RILP: variants seen among roughly 807,000 people sequenced by gnomAD.
RILP encodes Rab interacting lysosomal protein, also known as rab-interacting lysosomal protein.
In RILP, 53 loss-of-function variants were observed where a neutral mutation model predicts 40.0. The ratio of observed to expected loss-of-function variants is 1.32; its 90% CI spans 1.06 to 1.66. The LOEUF is 1.66. Ranked by LOEUF, RILP falls within the 40% of genes most tolerant of loss-of-function variation. The pLI is 0.00. For synonymous variants in RILP, 272 were observed against 250.6 expected (o/e 1.09, Z -0.80); for missense variants, 626 against 551.7 (o/e 1.13, Z -1.35).
In RILP at chr17:1,647,886, C is replaced by A. The variant is rs202214709; in HGVS notation, c.893G>T (p.Arg298Leu). The A allele has an allele frequency of 6.2e-7, 1 of 1,614,054 alleles. No individual in the cohort carries two copies. The highest frequency in any genetic ancestry group is 8.5e-7 in the Non-Finnish European group (1 of 1,180,030). Residue 298 changes from arginine (R) to leucine (L), a missense_variant, in exon 6 of 8, where the codon CGG becomes CTG. Coordinates refer to ENST00000301336, the MANE Select transcript of RILP (RefSeq NM_031430.3). ...EAMKVAVRKQ[R>L]KKIKAKMLGT... ...TAACATCTTGGCCTTGATCTTCTTC[C>A]GCTGCTTCCGGACAGCCACCTTCAT...
At chr17:1,647,062 G>A (rs1195383855) in intron 6 of RILP, 73 bp from the exon 7 acceptor site, 3 of 1,010,566 alleles carry the variant, frequency 3.0e-6, no homozygotes, top group Non-Finnish European at 4.3e-6. Context: ...TCCAGCAGGG[G>A]GGATGGAGGG....
At chr17:1,647,060 G>C (rs575589655) in intron 6 of RILP, 71 bp from the exon 7 acceptor site, 11 of 1,019,774 alleles carry the variant, frequency 1.1e-5, no homozygotes, top group Admixed American at 5.4e-5. Flanking sequence ...AATCCAGCAG[G>C]GGGGATGGAG....
In RILP at chr17:1,646,997, A is replaced by G; in HGVS notation, c.945-8T>C. 1 of 1,573,234 alleles carries G rather than the reference A, an allele frequency of 6.4e-7. No homozygotes were observed. The highest frequency in any genetic ancestry group is 8.7e-7 in the Non-Finnish European group (1 of 1,155,194). On this transcript the variant is annotated splice_polypyrimidine_tract_variant and splice_region_variant and intron_variant, in intron 6 of 7. Coordinates refer to ENST00000301336, the MANE Select transcript of RILP (RefSeq NM_031430.3). This position sits in a 1 kb window ranked among gnomAD's most constrained non-coding sequence, Gnocchi z 4.3. The stretch of plus-strand genomic sequence containing the variant: ...GGGCCAGCCTCATCCTCACTGAGAC[A>G]GAGGAGAGAGGAGAAGTGAGGGCCA...
Position 1,648,810 on chromosome 17 carries a change from G to A in RILP, c.664C>T (p.Pro222Ser). ...CATACGGCACTCACCGGGTCCTCAG[G>A]GTTCCCTGGGGCGCCTGCGCCGGCG... The part of the protein sequence containing the change: ...ATAGAGAPGN[P>S]EDPAEAAQQL... Residue 222 changes from proline (P) to serine (S), a missense_variant, in exon 4 of 8, where the codon CCT (proline) becomes TCT (serine). Coordinates refer to ENST00000301336, the MANE Select transcript of RILP (RefSeq NM_031430.3). This position sits in a 1 kb window ranked among gnomAD's most constrained non-coding sequence, Gnocchi z 4.9. The A allele has an allele frequency of 2.0e-6, 3 of 1,523,732 alleles. No individual in the cohort carries two copies. The highest frequency in any genetic ancestry group is 2.6e-6 in the Non-Finnish European group (3 of 1,147,420). 94.4% of individuals were successfully genotyped at this position (1,523,732 alleles called of 1,614,324 possible).
chr17:1,649,382 C>T lies in RILP; in HGVS notation c.322+30G>A, dbSNP rs62088050. On this transcript the variant is annotated intron_variant, in intron 2 of 7. Coordinates refer to ENST00000301336, the MANE Select transcript of RILP (RefSeq NM_031430.3). The surrounding 1 kb of genome is among the most constrained non-coding windows in gnomAD (Gnocchi z 4.3). ...GGGGAGGACCCGAGCAGGTCGTCACCCGCCCTGCCCTGGCCGGGGCTGCGC... is the reference window on the plus strand; with the variant it reads ...GGGGAGGACCCGAGCAGGTCGTCACTCGCCCTGCCCTGGCCGGGGCTGCGC... The T allele has an allele frequency of 0.035, 51,595 of 1,494,004 alleles. 1,000 individuals carry two copies. The highest frequency in any genetic ancestry group is 0.047 in the Middle Eastern group (204 of 4,322). 92.5% of individuals were successfully genotyped at this position (1,494,004 alleles called of 1,614,324 possible).
Position 1,646,316 on chromosome 17 carries a change from G to T in RILP, c.*126C>A. Reference sequence around the variant, plus strand: ...TCGGTACAGAGACGTAGAGAGGGAGGCGGGCTGAGACCCCGTCCTGCCCTG... The same window carrying T: ...TCGGTACAGAGACGTAGAGAGGGAGTCGGGCTGAGACCCCGTCCTGCCCTG... On this transcript the variant is annotated 3_prime_UTR_variant, in exon 8 of 8. Coordinates refer to ENST00000301336, the MANE Select transcript of RILP (RefSeq NM_031430.3). The surrounding 1 kb of genome is among the most constrained non-coding windows in gnomAD (Gnocchi z 4.3). 2.3e-6 allele frequency: 2 copies of T among 857,160 alleles called. No homozygotes were observed. The highest frequency in any genetic ancestry group is 3.5e-6 in the Non-Finnish European group (2 of 571,840). The allele number at this position is 857,160 out of a possible 1,614,324, so 53.1% of individuals were successfully genotyped here. A position where few individuals can be genotyped will look rare whatever the true frequency, so the allele number is the denominator to read the frequency against.
chr17:1,647,346 G>T (rs1910665675), intron 6 of RILP, among the ~76,000 whole-genome samples: 2 of 152,048 alleles, frequency 1.3e-5, no homozygotes, highest in South Asian at 4.1e-4. Flanking sequence ...CACCATGTTG[G>T]CCACGCTGGT....
intron 6 of RILP, among the ~76,000 whole-genome samples, chr17:1,647,457 C>T (rs955267959): frequency 6.6e-6 from 1 of 152,232 alleles, no homozygotes; most frequent in South Asian, 2.1e-4. Context: ...TATTTTATAG[C>T]TTGACACACA....
At position 1,649,403 on chromosome 17, in the gene RILP, T is replaced by C. The variant is rs1193677007; in HGVS notation, c.322+9A>G. 2 of 1,503,988 alleles carry C rather than the reference T, an allele frequency of 1.3e-6. No homozygotes were observed. The highest frequency in any genetic ancestry group is 8.8e-7 in the Non-Finnish European group (1 of 1,134,016). 93.2% of individuals were successfully genotyped at this position (1,503,988 alleles called of 1,614,324 possible). On this transcript the variant is annotated intron_variant, in intron 2 of 7. Coordinates refer to ENST00000301336, the MANE Select transcript of RILP (RefSeq NM_031430.3). The surrounding 1 kb of genome is among the most constrained non-coding windows in gnomAD (Gnocchi z 4.3). ...TCACCCGCCCTGCCCTGGCCGGGGC[T>C]GCGCTTACCCTGTGGCCCCGCGCGC...
rs752943817 is a variant in RILP, at chr17:1,648,436, C to T, written c.735G>A (p.Arg245=). The change falls in exon 5 of 8, where the codon CGG becomes CGA. Residue 245 remains arginine, a synonymous_variant. Transcript: ENST00000301336. The surrounding 1 kb of genome is among the most constrained non-coding windows in gnomAD (Gnocchi z 4.9). ...PSEAGQCRFS[R]EEFEQILQER... ...CCTGAAGGATCTGCTCAAACTCCTC[C>T]CGACTGAAGCGGCACTGCCCTGCCT... is the stretch of plus-strand genomic sequence containing the variant. 5 of 1,613,990 alleles carry T rather than the reference C, an allele frequency of 3.1e-6. No individual in the cohort carries two copies. Among genetic ancestry groups the T allele is most frequent in the Admixed American group, 1.7e-5 (1 of 59,996 alleles).
At position 1,649,149 on chromosome 17, in the gene RILP, G is replaced by T. The variant is rs1280287272; in HGVS notation, c.429+51C>A. 4 of 834,196 alleles carry T rather than the reference G, an allele frequency of 4.8e-6. No homozygotes were observed. Among genetic ancestry groups the T allele is most frequent in the East Asian group, 7.9e-5 (2 of 25,186 alleles). 51.7% of individuals were successfully genotyped at this position (834,196 alleles called of 1,614,324 possible). On this transcript the variant is annotated intron_variant, in intron 3 of 7. Coordinates refer to ENST00000301336, the MANE Select transcript of RILP (RefSeq NM_031430.3). The surrounding 1 kb of genome is among the most constrained non-coding windows in gnomAD (Gnocchi z 4.3). ...CCCCGCCCCCGGAGCCCCGCCCAGC[G>T]CCTGCCACGCTCCGCCCCCGCCCCG...
Position 1,649,139 on chromosome 17 carries a change from C to A in RILP, c.429+61G>T. 2 of 1,211,600 alleles carry A rather than the reference C, an allele frequency of 1.7e-6. No individual in the cohort carries two copies. Among genetic ancestry groups the A allele is most frequent in the Non-Finnish European group, 2.1e-6 (2 of 964,340 alleles). The allele number at this position is 1,211,600 out of a possible 1,614,324, so 75.1% of individuals were successfully genotyped here. A position where few individuals can be genotyped will look rare whatever the true frequency, so the allele number is the denominator to read the frequency against. ...CTCGCTCCGCCCCCGCCCCCGGAGC[C>A]CCGCCCAGCGCCTGCCACGCTCCGC... On this transcript the variant is annotated intron_variant, in intron 3 of 7. Coordinates refer to ENST00000301336, the MANE Select transcript of RILP (RefSeq NM_031430.3). The surrounding 1 kb of genome is among the most constrained non-coding windows in gnomAD (Gnocchi z 4.3).
intron 6 of RILP, among the ~76,000 whole-genome samples, chr17:1,647,537 A>G (rs560577877): frequency 6.6e-6 from 1 of 152,294 alleles, no homozygotes; most frequent in African/African-American, 2.4e-5. Context: ...CAAGACAGGA[A>G]CTTGAAGAAT....
Position 1,649,383 on chromosome 17 carries a change from C to A in RILP, c.322+29G>T. 7 of 1,496,310 alleles carry A rather than the reference C, an allele frequency of 4.7e-6. No individual in the cohort carries two copies. Among genetic ancestry groups the A allele is most frequent in the Non-Finnish European group, 6.2e-6 (7 of 1,129,974 alleles). The allele number at this position is 1,496,310 out of a possible 1,614,324, so 92.7% of individuals were successfully genotyped here. A position where few individuals can be genotyped will look rare whatever the true frequency, so the allele number is the denominator to read the frequency against. On this transcript the variant is annotated intron_variant, in intron 2 of 7. Coordinates refer to ENST00000301336, the MANE Select transcript of RILP (RefSeq NM_031430.3). This position sits in a 1 kb window ranked among gnomAD's most constrained non-coding sequence, Gnocchi z 4.3. ...GGGAGGACCCGAGCAGGTCGTCACC[C>A]GCCCTGCCCTGGCCGGGGCTGCGCT...
Position 1,649,201 on chromosome 17 carries a change from G to A in RILP, c.428C>T (p.Ala143Val), listed in dbSNP as rs1159150135. 3 of 678,178 alleles carry A rather than the reference G, an allele frequency of 4.4e-6. No homozygotes were observed. Among genetic ancestry groups the A allele is most frequent in the Non-Finnish European group, 6.3e-6 (3 of 476,098 alleles). The allele number at this position is 678,178 out of a possible 1,614,324, so 42.0% of individuals were successfully genotyped here. A position where few individuals can be genotyped will look rare whatever the true frequency, so the allele number is the denominator to read the frequency against. ...DLRQRGQETE[A>V]LQEQLQRLLL... ...CCCAGAGCCCCGCCCCGCCCTCACC[G>A]CCTCGGTCTCCTGGCCGCGCTGCCG... The change falls in exon 3 of 8, where the codon GCG becomes GTG. Residue 143 changes from alanine (A) to valine (V), a missense_variant and splice_region_variant. By Grantham distance (64) the Ala-to-Val change is moderately conservative. Transcript: ENST00000301336. The surrounding 1 kb of genome is among the most constrained non-coding windows in gnomAD (Gnocchi z 4.3).
chr17:1,646,327 C>T lies in RILP; in HGVS notation c.*115G>A. Reference sequence around the variant, plus strand: ...ACGTAGAGAGGGAGGCGGGCTGAGACCCCGTCCTGCCCTGATGCAGGCCAG... The same window carrying T: ...ACGTAGAGAGGGAGGCGGGCTGAGATCCCGTCCTGCCCTGATGCAGGCCAG... On this transcript the variant is annotated 3_prime_UTR_variant, in exon 8 of 8. Coordinates refer to ENST00000301336, the MANE Select transcript of RILP (RefSeq NM_031430.3). The surrounding 1 kb of genome is among the most constrained non-coding windows in gnomAD (Gnocchi z 4.3). The T allele has an allele frequency of 1.9e-6, 2 of 1,028,648 alleles. No individual in the cohort carries two copies. Among genetic ancestry groups the T allele is most frequent in the South Asian group, 1.8e-5 (1 of 57,124 alleles). 63.7% of individuals were successfully genotyped at this position (1,028,648 alleles called of 1,614,324 possible).
At position 1,648,997 on chromosome 17, in the gene RILP, C is replaced by A; in HGVS notation, c.477G>T (p.Arg159=). The A allele has an allele frequency of 4.7e-6, 7 of 1,475,246 alleles. No individual in the cohort carries two copies. Among genetic ancestry groups the A allele is most frequent in the Non-Finnish European group, 6.3e-6 (7 of 1,117,908 alleles). The allele number at this position is 1,475,246 out of a possible 1,614,324, so 91.4% of individuals were successfully genotyped here. A position where few individuals can be genotyped will look rare whatever the true frequency, so the allele number is the denominator to read the frequency against. The change falls in exon 4 of 8, where the codon CGG becomes CGT. Residue 159 remains arginine (R), a synonymous_variant. Coordinates refer to ENST00000301336, the MANE Select transcript of RILP (RefSeq NM_031430.3). This position sits in a 1 kb window ranked among gnomAD's most constrained non-coding sequence, Gnocchi z 4.9. ...GGGTCTGCATGGCCGCCAGCTTGTG[C>A]CGCAGCTCAGCGTTCACCAGCAGGA... ...QRLLLVNAEL[R]HKLAAMQTQL... is the part of the protein sequence containing the mutation.
At position 1,648,008 on chromosome 17, in the gene RILP, G is replaced by T. The variant is rs748168457; in HGVS notation, c.822-51C>A. ...AAAGCCCTGGTGATGCCAGCCATGGGGATGCCAGCAGTGGAGATGCCAGCC... is the reference window on the plus strand; with the variant it reads ...AAAGCCCTGGTGATGCCAGCCATGGTGATGCCAGCAGTGGAGATGCCAGCC... On this transcript the variant is annotated intron_variant, in intron 5 of 7. Transcript: ENST00000301336. This position sits in a 1 kb window ranked among gnomAD's most constrained non-coding sequence, Gnocchi z 4.9. 1.9e-6 allele frequency: 3 copies of T among 1,607,208 alleles called. No homozygotes were observed. The highest frequency in any genetic ancestry group is 2.5e-6 in the Non-Finnish European group (3 of 1,178,206).
At position 1,648,464 on chromosome 17, in the gene RILP, G is replaced by C. The variant is rs149882355; in HGVS notation, c.707C>G (p.Ser236Trp). The change falls in exon 5 of 8, where the codon TCG becomes TGG. Residue 236 changes from serine to tryptophan, a missense_variant. Transcript: ENST00000301336. This position sits in a 1 kb window ranked among gnomAD's most constrained non-coding sequence, Gnocchi z 4.9. ...ACTGAAGCGGCACTGCCCTGCCTCCGAGGGGCGCCCGAGCTGCTGCGCGGC... is the reference window on the plus strand; with the variant it reads ...ACTGAAGCGGCACTGCCCTGCCTCCCAGGGGCGCCCGAGCTGCTGCGCGGC... ...AEAAQQLGRPSEAGQCRFSRE... is the reference protein window; with the variant it reads ...AEAAQQLGRPWEAGQCRFSRE... The C allele has an allele frequency of 1.2e-6, 2 of 1,613,792 alleles. No individual in the cohort carries two copies. The highest frequency in any genetic ancestry group is 1.7e-6 in the Non-Finnish European group (2 of 1,180,004).
Sources: gnomAD v4.1 joint callset for allele counts (sites outside exome capture counted in the v4.1 genomes callset) on GRCh38, gnomAD v4.1.1 for gene constraint, Gnocchi (gnomAD v3.1) non-coding constraint, MANE v1.5 for transcripts, NCBI Gene and HGNC (gene_info 2026-07-23, HGNC 2026-07-21) for gene names.